GABARAPL1: variants seen among roughly 807,000 people sequenced by gnomAD.
GABARAPL1 encodes the protein gamma-aminobutyric acid receptor-associated protein-like 1.
GABARAPL1 carries 4 observed loss-of-function variants against 14.5 expected under a neutral mutation model. That is an observed-to-expected ratio of 0.28 (90% CI 0.14 to 0.63). The LOEUF (loss-of-function observed/expected upper bound fraction) is 0.63, where lower values mean the gene tolerates loss of function less well. Among genes scored for constraint, GABARAPL1 ranks in the 30% least tolerant of loss-of-function variants. GABARAPL1 has a pLI of 0.84. For missense variants in GABARAPL1, 82 were observed against 139.2 expected (o/e 0.59, Z 2.07); for synonymous variants, 47 against 50.6 (o/e 0.93, Z 0.30).
At position 10,221,948 on chromosome 12, in the gene GABARAPL1, A is replaced by G. The variant is rs1235262495; in HGVS notation, c.*96A>G. 3.1e-6 allele frequency: 3 copies of G among 981,446 alleles called. No individual in the cohort carries two copies. The highest frequency in any genetic ancestry group is 1.9e-5 in the Admixed American group (1 of 53,918). 60.8% of individuals were successfully genotyped at this position (981,446 alleles called of 1,614,324 possible). On this transcript the variant is annotated 3_prime_UTR_variant, in exon 4 of 4. Transcript: ENST00000266458. ...GGGAAAGAGGGTGGCTCCCACCGCAAGGAGACAGAAGGTGAAGACATCTAG... is the reference window on the plus strand; with the variant it reads ...GGGAAAGAGGGTGGCTCCCACCGCAGGGAGACAGAAGGTGAAGACATCTAG...
chr12:10,222,080 T>C lies in GABARAPL1; in HGVS notation c.*228T>C, dbSNP rs1949122903. 1.1e-5 allele frequency: 6 copies of C among 540,994 alleles called. No homozygotes were observed. The highest frequency in any genetic ancestry group is 3.1e-5 in the Admixed American group (1 of 32,226). The allele number at this position is 540,994 out of a possible 1,614,324, so 33.5% of individuals were successfully genotyped here. On this transcript the variant is annotated 3_prime_UTR_variant, in exon 4 of 4. Coordinates refer to ENST00000266458, the MANE Select transcript of GABARAPL1 (RefSeq NM_031412.4). The stretch of plus-strand genomic sequence containing the variant: ...AGCATGTCAGGACAGAGCTGTTGGA[T>C]TGGCTTTGATAGAGGAATGGGGATG...
Position 10,219,336 on chromosome 12 carries a change from A to AC in GABARAPL1, c.170-1104_170-1103insC, listed in dbSNP as rs199984065. 1.0e-3 allele frequency among the ~76,000 whole-genome samples: 153 copies of AC among 147,670 alleles called. 1 individual carries two copies. In the East Asian group the frequency reaches 0.022, roughly 21 times the overall value. On this transcript the variant is annotated intron_variant, in intron 2 of 3. Coordinates refer to ENST00000266458, the MANE Select transcript of GABARAPL1 (RefSeq NM_031412.4). ...TCCGCCTCAAAAAAACAAAAAACAA[A>AC]AAAAAAAAACCCCAAAATTCGGCTT...
At chr12:10,221,710 A>G in intron 3 of GABARAPL1, 77 bp from the exon 4 acceptor site, 1 of 1,513,064 alleles carries the variant, frequency 6.6e-7, no homozygotes, top group Non-Finnish European at 9.1e-7. Flanking sequence ...CTGCTTTACA[A>G]GGTTGTGTGA....
At position 10,222,925 on chromosome 12, in the gene GABARAPL1, T is replaced by A. The variant is rs1297936507; in HGVS notation, c.*1073T>A. The A allele has an allele frequency of 6.6e-6, 1 of 152,548 alleles. No homozygotes were observed. The highest frequency in any genetic ancestry group is 1.5e-5 in the Non-Finnish European group (1 of 68,026). The allele number at this position is 152,548 out of a possible 1,614,324, so 9.4% of individuals were successfully genotyped here. A position where few individuals can be genotyped will look rare whatever the true frequency, so the allele number is the denominator to read the frequency against. ...AGTAAATCATGGGGATTTTATTGAT[T>A]TATTTTCACTTTTGGGATTTTGTGG... is the stretch of plus-strand genomic sequence containing the variant. On this transcript the variant is annotated 3_prime_UTR_variant, in exon 4 of 4. Coordinates refer to ENST00000266458, the MANE Select transcript of GABARAPL1 (RefSeq NM_031412.4).
At chr12:10,219,803 GAA>G (rs60627597) in intron 2 of GABARAPL1, among the ~76,000 whole-genome samples, 2 of 144,896 alleles carry the variant, frequency 1.4e-5, no homozygotes, top group African/African-American at 5.0e-5. Flanking sequence ...CTCTGTCTCG[GAA>G]AAAAAAAAAA....
rs1362965810 is a variant in GABARAPL1, at chr12:10,221,735, G to C, written c.289-52G>C. 2.5e-6 allele frequency: 4 copies of C among 1,596,196 alleles called. No individual in the cohort carries two copies. In the East Asian group the frequency reaches 6.7e-5, roughly 27 times the overall value. ...AGGTTGTGTGAGGCTCAGCATCTTA[G>C]AGCTAATGAATGAATATGTTTTCTA... is the stretch of plus-strand genomic sequence containing the variant. On this transcript the variant is annotated intron_variant, in intron 3 of 3. Coordinates refer to ENST00000266458, the MANE Select transcript of GABARAPL1 (RefSeq NM_031412.4).
chr12:10,220,552 G>C lies in GABARAPL1; in HGVS notation c.282G>C (p.Leu94=). 1 of 1,614,024 alleles carries C rather than the reference G, an allele frequency of 6.2e-7. No homozygotes were observed. Among genetic ancestry groups the C allele is most frequent in the Non-Finnish European group, 8.5e-7 (1 of 1,179,938 alleles). ...IPPTSATMGQ[L]YEDNHEEDYF... is the part of the protein sequence containing the mutation. Reference sequence around the variant, plus strand: ...CCACCAGTGCTACCATGGGCCAACTGTATGAGGTAATGGTTCTGGTTGCAC... The same window carrying C: ...CCACCAGTGCTACCATGGGCCAACTCTATGAGGTAATGGTTCTGGTTGCAC... Residue 94 remains leucine, a synonymous_variant, in exon 3 of 4, where the codon CTG becomes CTC. Coordinates refer to ENST00000266458, the MANE Select transcript of GABARAPL1 (RefSeq NM_031412.4).
chr12:10,221,577 A>G (rs1949120422), intron 3 of GABARAPL1: 5 of 463,486 alleles, frequency 1.1e-5, no homozygotes, highest in Non-Finnish European at 1.4e-5. Context: ...CCTGATACCT[A>G]TGTGTAATAT....
In GABARAPL1 at chr12:10,222,262, A is replaced by G. The variant is rs1036110793; in HGVS notation, c.*410A>G. On this transcript the variant is annotated 3_prime_UTR_variant, in exon 4 of 4. Transcript: ENST00000266458. ...AGATTCTATTTTTGACATTTGCACA[A>G]GACAGGTAGGGAAAGGGGACTTGTG... The G allele has an allele frequency of 4.0e-5, 8 of 201,600 alleles. No individual in the cohort carries two copies. The highest frequency in any genetic ancestry group is 1.8e-4 in the African/African-American group (8 of 44,012). 12.5% of individuals were successfully genotyped at this position (201,600 alleles called of 1,614,324 possible). A position where few individuals can be genotyped will look rare whatever the true frequency, so the allele number is the denominator to read the frequency against.
At position 10,215,395 on chromosome 12, in the gene GABARAPL1, C is replaced by CA. The variant is rs533247228; in HGVS notation, c.90+2183dup. Among the ~76,000 whole-genome samples, 18 of 152,112 alleles carry CA rather than the reference C, an allele frequency of 1.2e-4. No homozygotes were observed. The South Asian group carries it at 3.7e-3, about 32-fold the overall frequency. On this transcript the variant is annotated intron_variant, in intron 1 of 3. Coordinates refer to ENST00000266458, the MANE Select transcript of GABARAPL1 (RefSeq NM_031412.4). ...AATTATCTTCAAAGATACAACATAT[C>CA]AAAAAAACTGTTAGGAACAGATTGT... is the stretch of plus-strand genomic sequence containing the variant.
At position 10,220,441 on chromosome 12, in the gene GABARAPL1, T is replaced by G; in HGVS notation, c.171T>G (p.Val57=). The change falls in exon 3 of 4, where the codon GTT becomes GTG. Residue 57 remains valine (V), a splice_region_variant and synonymous_variant. Coordinates refer to ENST00000266458, the MANE Select transcript of GABARAPL1 (RefSeq NM_031412.4). ...RKYLVPSDLT[V]GQFYFLIRKR... ...CCCTTTTCTTCTTCCATCATCCAGT[T>G]GGCCAGTTCTACTTCTTAATCCGGA... 6.2e-7 allele frequency: 1 copy of G among 1,612,226 alleles called. No homozygotes were observed. The highest frequency in any genetic ancestry group is 8.5e-7 in the Non-Finnish European group (1 of 1,179,742).
At chr12:10,213,569 G>C (rs1036000177) in intron 1 of GABARAPL1, 41 of 336,236 alleles carry the variant, frequency 1.2e-4, no homozygotes, top group Non-Finnish European at 8.8e-5. Context: ...GGTTAGATCG[G>C]GGCCATGGAT....
chr12:10,215,232 T>C (rs899770653), intron 1 of GABARAPL1, among the ~76,000 whole-genome samples: 1 of 152,168 alleles, frequency 6.6e-6, no homozygotes, highest in African/African-American at 2.4e-5. Flanking sequence ...AGCTTGACCA[T>C]TGGTGTTATT....
intron 2 of GABARAPL1, among the ~76,000 whole-genome samples, chr12:10,218,567 G>A (rs902374173): frequency 2.0e-5 from 3 of 151,542 alleles, no homozygotes; most frequent in Non-Finnish European, 4.4e-5. Context: ...AGCGAGACTC[G>A]GTCTCAAAAA....
chr12:10,216,941 G>T (rs1032141678), intron 1 of GABARAPL1, among the ~76,000 whole-genome samples: 3 of 151,652 alleles, frequency 2.0e-5, no homozygotes, highest in Non-Finnish European at 4.4e-5. Context: ...TTTAAATTTT[G>T]ATAAATCTAG....
At chr12:10,213,281 T>G (rs1227822896) in intron 1 of GABARAPL1, 62 bp downstream of exon 1, 1 of 1,025,642 alleles carries the variant, frequency 9.7e-7, no homozygotes, top group Non-Finnish European at 1.5e-6. Context: ...GGGCGGGTAG[T>G]CGAGATGGCT....
At chr12:10,216,034 A>T (rs1476036619) in intron 1 of GABARAPL1, among the ~76,000 whole-genome samples, 2 of 151,968 alleles carry the variant, frequency 1.3e-5, no homozygotes, top group South Asian at 2.1e-4. Context: ...ACTCACATTC[A>T]CATCATATCA....
At chr12:10,214,085 G>C (rs1949074289) in intron 1 of GABARAPL1, 1 of 307,634 alleles carries the variant, frequency 3.3e-6, no homozygotes, top group Non-Finnish European at 6.7e-6. Context: ...CTGCGCAGCC[G>C]AATTGGAGGG....
At chr12:10,215,672 C>G (rs1217111501) in intron 1 of GABARAPL1, among the ~76,000 whole-genome samples, 2 of 152,122 alleles carry the variant, frequency 1.3e-5, no homozygotes, top group African/African-American at 2.4e-5. Flanking sequence ...CTTTATCTGT[C>G]TTCCTTTGTG....
Sources: allele counts gnomAD v4.1 joint callset (sites outside exome capture counted in the v4.1 genomes callset), GRCh38; gene constraint gnomAD v4.1.1; transcripts MANE v1.5; gene names NCBI Gene and HGNC (gene_info 2026-07-23, HGNC 2026-07-21).